Variants in SLCO6A1 observed in about 807,000 individuals in gnomAD.
SLCO6A1 encodes cancer/testis antigen 48.
A neutral mutation model predicts 72.7 loss-of-function variants in SLCO6A1; 65 were observed. The observed-to-expected ratio is 0.89, with a 90% CI of 0.73 to 1.10. The LOEUF is 1.10. Ranked by LOEUF, SLCO6A1 falls within the 50% of genes least tolerant of loss-of-function variation. The probability of loss-of-function intolerance (pLI) is 0.00; values close to 1 mark genes in which losing one functional copy is unlikely to be tolerated. For missense variants in SLCO6A1, 874 were observed against 872.6 expected, an observed-to-expected ratio of 1.00 and a Z score of -0.02; for synonymous variants, 314 against 298.2, an observed-to-expected ratio of 1.05 and a Z score of -0.55.
intron 11 of SLCO6A1, among the ~76,000 whole-genome samples, chr5:102,389,949 AG>A (rs1746658483): frequency 6.6e-6 from 1 of 152,122 alleles, no homozygotes; most frequent in Non-Finnish European, 1.5e-5. Flanking sequence ...TATATTGCCA[AG>A]GCTGGTCTCC....
At chr5:102,423,349 A>G (rs1345596347) in intron 7 of SLCO6A1, among the ~76,000 whole-genome samples, 1 of 152,132 alleles carries the variant, frequency 6.6e-6, no homozygotes, top group Non-Finnish European at 1.5e-5. Flanking sequence ...AACAGTCAAG[A>G]CCCTTCACTG....
intron 10 of SLCO6A1, among the ~76,000 whole-genome samples, chr5:102,392,052 TTTTG>T (rs1189635683): frequency 1.3e-5 from 2 of 152,016 alleles, no homozygotes; most frequent in Non-Finnish European, 1.5e-5. Flanking sequence ...AATACTTACT[TTTTG>T]TTTATTTGCC....
Position 102,498,582 on chromosome 5 carries a change from G to A in SLCO6A1, c.263C>T (p.Pro88Leu), listed in dbSNP as rs781570432. The A allele has an allele frequency of 2.5e-6, 4 of 1,614,228 alleles. No homozygotes were observed. Among genetic ancestry groups the A allele is most frequent in the South Asian group, 2.2e-5 (2 of 91,090 alleles). ...PGEVDDSLEQ[P>L]CGLGCLVSTC... Reference sequence around the variant, plus strand: ...GCTGACTAAGCAGCCCAAACCACAGGGCTGCTCCAAACTGTCATCCACTTC... The same window carrying A: ...GCTGACTAAGCAGCCCAAACCACAGAGCTGCTCCAAACTGTCATCCACTTC... The change falls in exon 1 of 14, where the codon CCC (proline) becomes CTC (leucine). Residue 88 changes from proline (P) to leucine (L), a missense_variant. Coordinates refer to ENST00000506729, the MANE Select transcript of SLCO6A1 (RefSeq NM_173488.5).
At chr5:102,490,582 T>TA (rs1485698160) in intron 1 of SLCO6A1, among the ~76,000 whole-genome samples, 2 of 152,152 alleles carry the variant, frequency 1.3e-5, no homozygotes, top group African/African-American at 4.8e-5. Context: ...CGGTGAGTGT[T>TA]ACAGTTCTTA....
chr5:102,488,965 T>C (rs1752557934), intron 1 of SLCO6A1, among the ~76,000 whole-genome samples: 1 of 152,124 alleles, frequency 6.6e-6, no homozygotes, highest in South Asian at 2.1e-4. Context: ...GGAAGTCACA[T>C]AAAAAGTCAG....
At chr5:102,382,447 T>C (rs1445105507) in intron 12 of SLCO6A1, among the ~76,000 whole-genome samples, 2 of 151,706 alleles carry the variant, frequency 1.3e-5, no homozygotes, top group African/African-American at 2.4e-5. Context: ...TTGCCAAAGA[T>C]TGTATTGGCC....
intron 10 of SLCO6A1, among the ~76,000 whole-genome samples, chr5:102,391,475 C>T (rs1746755813): frequency 6.6e-6 from 1 of 152,106 alleles, no homozygotes; most frequent in Non-Finnish European, 1.5e-5. Flanking sequence ...TGGACTATAT[C>T]AATGGGCTCT....
chr5:102,392,438 G>C (rs189774171), intron 10 of SLCO6A1, among the ~76,000 whole-genome samples: 1 of 152,070 alleles, frequency 6.6e-6, no homozygotes, highest in East Asian at 1.9e-4. Flanking sequence ...TTTAGCATAA[G>C]TAATTTTCTT....
At chr5:102,428,284 T>C (rs1448628254) in intron 7 of SLCO6A1, among the ~76,000 whole-genome samples, 1 of 151,814 alleles carries the variant, frequency 6.6e-6, no homozygotes, top group African/African-American at 2.4e-5. Flanking sequence ...TTCTAGCAGT[T>C]GTGAAAAAAC....
intron 12 of SLCO6A1, among the ~76,000 whole-genome samples, chr5:102,378,009 TAATTTCA>T: frequency 1.3e-5 from 2 of 151,638 alleles, no homozygotes; most frequent in East Asian, 3.9e-4. Context: ...AATATTTATA[TAATTTCA>T]AATTTTAATA....
chr5:102,429,995 T>C (rs997696882), intron 7 of SLCO6A1, among the ~76,000 whole-genome samples: 1 of 151,938 alleles, frequency 6.6e-6, no homozygotes, highest in Non-Finnish European at 1.5e-5. Flanking sequence ...CAGTGTTTTG[T>C]AATTTATTGT....
In SLCO6A1 at chr5:102,498,888, C is replaced by A. The variant is rs763853612; in HGVS notation, c.-44G>T. On this transcript the variant is annotated 5_prime_UTR_variant, in exon 1 of 14. Transcript: ENST00000506729. ...CCTGGCGACGCGGCCCGAGTGCTCT[C>A]GGCTGCCCGTCCTGCCTGGGCCAAC... The A allele has an allele frequency of 1.3e-6, 2 of 1,545,538 alleles. No homozygotes were observed. Among genetic ancestry groups the A allele is most frequent in the Non-Finnish European group, 8.7e-7 (1 of 1,146,718 alleles).
intron 12 of SLCO6A1, among the ~76,000 whole-genome samples, chr5:102,376,107 C>T (rs557094441): frequency 2.0e-5 from 3 of 152,246 alleles, no homozygotes; most frequent in Admixed American, 6.5e-5. Context: ...CAGCTAACTT[C>T]TCGCCAGAAA....
chr5:102,410,747 C>T (rs1747928854), intron 9 of SLCO6A1, among the ~76,000 whole-genome samples: 1 of 152,130 alleles, frequency 6.6e-6, no homozygotes, highest in Non-Finnish European at 1.5e-5. Flanking sequence ...TAAATAGCCT[C>T]AATTTACATA....
chr5:102,479,982 T>C (rs768655079), intron 2 of SLCO6A1, among the ~76,000 whole-genome samples, 195 bp downstream of exon 2: 9 of 152,220 alleles, frequency 5.9e-5, no homozygotes, highest in Non-Finnish European at 1.0e-4. Context: ...AAATTAATCA[T>C]TAACTTCCTC....
chr5:102,481,183 T>C (rs1297369874), intron 1 of SLCO6A1, among the ~76,000 whole-genome samples: 1 of 152,192 alleles, frequency 6.6e-6, no homozygotes, highest in East Asian at 1.9e-4. Context: ...GTGCATAGGC[T>C]GCTGCTACTA....
At chr5:102,400,458 G>A (rs1170234814) in intron 9 of SLCO6A1, among the ~76,000 whole-genome samples, 1 of 152,036 alleles carries the variant, frequency 6.6e-6, no homozygotes, top group Non-Finnish European at 1.5e-5. Context: ...TAGAGTCAAT[G>A]AGATTCATAC....
intron 7 of SLCO6A1, among the ~76,000 whole-genome samples, chr5:102,438,264 A>G (rs1378116180): frequency 6.6e-6 from 1 of 152,104 alleles, no homozygotes; most frequent in East Asian, 1.9e-4. Context: ...GCTGCAGAAG[A>G]GTATATATAA....
chr5:102,446,408 T>C (rs572763763), intron 6 of SLCO6A1, among the ~76,000 whole-genome samples: 46 of 152,324 alleles, frequency 3.0e-4, no homozygotes, highest in African/African-American at 1.0e-3. Flanking sequence ...CTGATTTCTG[T>C]ACATTGATTT....
Sources: allele counts gnomAD v4.1 joint callset (sites outside exome capture counted in the v4.1 genomes callset), GRCh38; gene constraint gnomAD v4.1.1; transcripts MANE v1.5; gene names NCBI Gene and HGNC (gene_info 2026-07-23, HGNC 2026-07-21).